MCPH1: variants seen among roughly 807,000 people sequenced by gnomAD.
MCPH1 encodes the protein microcephalin.
A neutral mutation model predicts 84.5 loss-of-function variants in MCPH1; 104 were observed. The observed-to-expected ratio is 1.23, with a 90% CI of 1.05 to 1.45. The LOEUF (loss-of-function observed/expected upper bound fraction) is 1.45, where lower values mean the gene tolerates loss of function less well. Ranked by LOEUF, MCPH1 falls within the 40% of genes most tolerant of loss-of-function variation. The probability of loss-of-function intolerance (pLI) is 0.00; values close to 1 mark genes in which losing one functional copy is unlikely to be tolerated. For synonymous variants in MCPH1, 514 were observed against 366.8 expected, an observed-to-expected ratio of 1.40 and a Z score of -4.58; for missense variants, 1,498 against 1,005.7, an observed-to-expected ratio of 1.49 and a Z score of -6.62.
intron 12 of MCPH1, among the ~76,000 whole-genome samples, chr8:6,536,644 T>C (rs1820551383): frequency 6.6e-6 from 1 of 152,140 alleles, no homozygotes; most frequent in Non-Finnish European, 1.5e-5. Flanking sequence ...AGAAAGACTA[T>C]GGATGTCCAT....
At chr8:6,407,758 T>A (rs1797949431) in intron 1 of MCPH1, among the ~76,000 whole-genome samples, 1 of 152,212 alleles carries the variant, frequency 6.6e-6, no homozygotes, top group Non-Finnish European at 1.5e-5. Context: ...ACATCAGGTT[T>A]TGAGAAGAGG....
chr8:6,440,242 G>T (rs1209839980), intron 6 of MCPH1, among the ~76,000 whole-genome samples: 1 of 151,914 alleles, frequency 6.6e-6, no homozygotes, highest in Non-Finnish European at 1.5e-5. Flanking sequence ...GGTTGTTCTT[G>T]TTTTTTTGTT....
rs141321603 is a variant in MCPH1, at chr8:6,454,229, T to C, written c.1826-914T>C. 2.8e-3 allele frequency among the ~76,000 whole-genome samples: 425 copies of C among 152,336 alleles called. 4 individuals are homozygous for C. The highest frequency in any genetic ancestry group is 9.8e-3 in the African/African-American group (408 of 41,568). ...TATTGGGTTGTGAGCTCCCTAAGTG[T>C]GGGACTATATCTTGTGCATTTTGCA... is the stretch of plus-strand genomic sequence containing the variant. On this transcript the variant is annotated intron_variant, in intron 8 of 13. Transcript: ENST00000344683.
intron 12 of MCPH1, chr8:6,502,912 G>C (rs958315872): frequency 1.6e-5 from 10 of 622,186 alleles, no homozygotes; most frequent in Middle Eastern, 4.4e-4. Context: ...TCTTGCTTTG[G>C]TCCGTTAAGT....
At chr8:6,525,267 G>A (rs2442615) in intron 12 of MCPH1, among the ~76,000 whole-genome samples, 11,431 of 152,182 alleles carry the variant, frequency 0.075, 515 homozygotes, top group African/African-American at 0.12. Flanking sequence ...AAATTAGTAT[G>A]TAATTTTGGA....
At chr8:6,483,833 C>G (rs1338004791) in intron 11 of MCPH1, among the ~76,000 whole-genome samples, 1 of 151,996 alleles carries the variant, frequency 6.6e-6, no homozygotes, top group Non-Finnish European at 1.5e-5. Flanking sequence ...GCACTGCAGC[C>G]TGGGTGACAG....
chr8:6,513,419 G>A (rs568830053), intron 12 of MCPH1, among the ~76,000 whole-genome samples: 24 of 149,200 alleles, frequency 1.6e-4, no homozygotes, highest in South Asian at 8.5e-4. Context: ...TGCAAGCTCC[G>A]CCTCCCGGGT....
intron 13 of MCPH1, among the ~76,000 whole-genome samples, chr8:6,627,634 T>C (rs1370376936): frequency 1.3e-5 from 2 of 152,188 alleles, no homozygotes; most frequent in African/African-American, 4.8e-5. Flanking sequence ...CCCATGCCTA[T>C]AATCCCAGCA....
rs990036369 is a variant in MCPH1, at chr8:6,515,205, T to C, written c.2214+15276T>C. ...CACAGCCTTGAAACCTTTCACTAAA[T>C]GCCAGCCCCTGCCCCTCCACAGAGA... On this transcript the variant is annotated intron_variant, in intron 12 of 13. Coordinates refer to ENST00000344683, the MANE Select transcript of MCPH1 (RefSeq NM_024596.5). Among the ~76,000 whole-genome samples the C allele has an allele frequency of 3.0e-5, 4 of 133,768 alleles. No homozygotes were observed. The East Asian group carries it at 6.1e-4, about 20-fold the overall frequency. The allele number at this position is 133,768 out of a possible 152,430, so 87.8% of individuals were successfully genotyped here.
chr8:6,496,943 T>G (rs1811308230), intron 11 of MCPH1, among the ~76,000 whole-genome samples: 1 of 152,214 alleles, frequency 6.6e-6, no homozygotes, highest in East Asian at 1.9e-4. Flanking sequence ...TTTTCCCTCT[T>G]TAAATTTTTT....
At chr8:6,515,657 A>C (rs1316756428) in intron 12 of MCPH1, among the ~76,000 whole-genome samples, 1 of 152,234 alleles carries the variant, frequency 6.6e-6, no homozygotes, top group Non-Finnish European at 1.5e-5. Context: ...TTAAATAATA[A>C]AGATTACAGT....
Position 6,444,798 on chromosome 8 carries a change from T to C in MCPH1, c.1076T>C (p.Val359Ala). The change falls in exon 8 of 14, where the codon GTA becomes GCA. Residue 359 changes from valine to alanine, a missense_variant. Transcript: ENST00000344683. ...AGTTCCTCAGTAAAGAGAAAAAGAG[T>C]ATCACATGGCTCCCATTCACCTCCG... ...PRSSSVKRKR[V>A]SHGSHSPPKE... is the part of the protein sequence containing the mutation. The C allele has an allele frequency of 1.2e-6, 2 of 1,613,820 alleles. No individual in the cohort carries two copies. Among genetic ancestry groups the C allele is most frequent in the Non-Finnish European group, 1.7e-6 (2 of 1,179,944 alleles).
intron 12 of MCPH1, among the ~76,000 whole-genome samples, chr8:6,535,912 C>T (rs538735194): frequency 5.0e-4 from 75 of 150,658 alleles, no homozygotes; most frequent in African/African-American, 1.7e-3. Flanking sequence ...AAAAAATTAG[C>T]TTGGCCTGGT....
At chr8:6,532,229 G>T in intron 12 of MCPH1, 2 of 1,325,420 alleles carry the variant, frequency 1.5e-6, no homozygotes, top group Non-Finnish European at 2.1e-6. Context: ...CTGTGGTGGT[G>T]CTTTCTTTAG....
chr8:6,527,450 A>T, intron 12 of MCPH1: 1 of 1,404,862 alleles, frequency 7.1e-7, no homozygotes, highest in Non-Finnish European at 9.7e-7. Context: ...CCCTTACACT[A>T]GACATGAAGA....
chr8:6,593,176 C>T (rs1392905313), intron 12 of MCPH1, among the ~76,000 whole-genome samples: 6 of 151,324 alleles, frequency 4.0e-5, no homozygotes, highest in African/African-American at 1.5e-4. Context: ...CTCTACCTCC[C>T]GGGTTCAAGT....
chr8:6,447,267 A>T (rs546817011), intron 8 of MCPH1: 19 of 985,304 alleles, frequency 1.9e-5, no homozygotes, highest in South Asian at 4.7e-5. Flanking sequence ...ATCTTAGAAG[A>T]TGAAACCATA....
At chr8:6,510,520 GGGCCA>G (rs1814831499) in intron 12 of MCPH1, among the ~76,000 whole-genome samples, 1 of 152,158 alleles carries the variant, frequency 6.6e-6, no homozygotes, top group Non-Finnish European at 1.5e-5. Context: ...CCTGCTGGTC[GGGCCA>G]GGCCAGGTGC....
intron 3 of MCPH1, among the ~76,000 whole-genome samples, chr8:6,421,037 C>G (rs1563182033): frequency 6.6e-6 from 1 of 152,194 alleles, no homozygotes. Context: ...TAGGCTCGCC[C>G]TTTTCCGCAG....
Sources: allele counts gnomAD v4.1 joint callset (sites outside exome capture counted in the v4.1 genomes callset), GRCh38; gene constraint gnomAD v4.1.1; transcripts MANE v1.5; gene names NCBI Gene and HGNC (gene_info 2026-07-23, HGNC 2026-07-21).